Variants in ADGRD1 observed in about 807,000 individuals in gnomAD.
The protein encoded by ADGRD1 is G-protein coupled receptor 133.
ADGRD1 carries 77 observed loss-of-function variants against 113.4 expected under a neutral mutation model. That is an observed-to-expected ratio of 0.68 (90% CI 0.57 to 0.82). The LOEUF (loss-of-function observed/expected upper bound fraction) is 0.82. Ranked by LOEUF, ADGRD1 falls within the 40% of genes least tolerant of loss-of-function variation. The pLI, the probability that ADGRD1 is intolerant of heterozygous loss-of-function variation, is 0.00. For synonymous variants in ADGRD1, 474 were observed against 475.0 expected (o/e 1.00, Z 0.03); for missense variants, 1,036 against 1,139.1 (o/e 0.91, Z 1.30).
At chr12:130,994,197 C>G in intron 8 of ADGRD1, 1 of 423,048 alleles carries the variant, frequency 2.4e-6, no homozygotes, top group Middle Eastern at 4.2e-4. Flanking sequence ...CGGGTATAGA[C>G]AAGCTGGAAG....
chr12:131,098,753 C>T (rs1332534524), intron 15 of ADGRD1, among the ~76,000 whole-genome samples: 2 of 152,240 alleles, frequency 1.3e-5, no homozygotes, highest in Non-Finnish European at 2.9e-5. Flanking sequence ...ACGACACTGG[C>T]AGCCTTAGGT....
rs899800320 is a variant in ADGRD1 at position 131,141,094 on chromosome 12, C to A, written c.*1831C>A. ...CACCTAGAAGTGAGAACACTGTATT[C>A]CTACAATGTACACTTGGATATTTCT... On this transcript the variant is annotated 3_prime_UTR_variant, in exon 25 of 25. Transcript: ENST00000261654. 1.3e-5 allele frequency: 2 copies of A among 152,238 alleles called. No homozygotes were observed. The highest frequency in any genetic ancestry group is 3.8e-4 in the East Asian group (2 of 5,202). 9.4% of individuals were successfully genotyped at this position (152,238 alleles called of 1,614,324 possible).
At chr12:131,002,708 C>T (rs1876544157) in intron 9 of ADGRD1, 2 of 1,222,532 alleles carry the variant, frequency 1.6e-6, no homozygotes, top group Non-Finnish European at 2.1e-6. Flanking sequence ...GTCAAGGCAG[C>T]CAGAGATAGC....
At position 131,011,444 on chromosome 12, in the gene ADGRD1, C is replaced by G. The variant is rs144220552; in HGVS notation, c.1332-2755C>G. On this transcript the variant is annotated intron_variant, in intron 12 of 24. Transcript: ENST00000261654. ...TTCCTAAGAAATGGATCTAAGTCAT[C>G]GCCGCTTGCCTGTGAGTAGATTCAT... is the stretch of plus-strand genomic sequence containing the variant. Among the ~76,000 whole-genome samples the G allele has an allele frequency of 5.4e-3, 821 of 152,112 alleles. 8 individuals are homozygous for G. The highest frequency in any genetic ancestry group is 0.028 in the Admixed American group (430 of 15,262).
intron 15 of ADGRD1, among the ~76,000 whole-genome samples, chr12:131,093,943 TCAG>T (rs71993333): frequency 0.64 from 91,813 of 144,538 alleles, 29,705 homozygotes; most frequent in East Asian, 0.79. Context: ...GCACCCAGCC[TCAG>T]CAGCACCCAG....
intron 13 of ADGRD1, among the ~76,000 whole-genome samples, chr12:131,065,075 G>A (rs1884609060): frequency 6.6e-6 from 1 of 152,134 alleles, no homozygotes; most frequent in Admixed American, 6.5e-5. Flanking sequence ...TCCACTCTCA[G>A]AAGTCCTTTT....
rs1349846083 is a variant in ADGRD1 at position 131,140,624 on chromosome 12, C to T, written c.*1361C>T. The T allele has an allele frequency of 6.6e-6, 1 of 152,386 alleles. No homozygotes were observed. Among genetic ancestry groups the T allele is most frequent in the East Asian group, 1.9e-4 (1 of 5,192 alleles). 9.4% of individuals were successfully genotyped at this position (152,386 alleles called of 1,614,324 possible). A position where few individuals can be genotyped will look rare whatever the true frequency, so the allele number is the denominator to read the frequency against. On this transcript the variant is annotated 3_prime_UTR_variant, in exon 25 of 25. Coordinates refer to ENST00000261654, the MANE Select transcript of ADGRD1 (RefSeq NM_198827.5). ...CTGTGACCATGATTTCATTCAGCCC[C>T]TCCACACCCCTATGTCTGCCTTGTT...
chr12:130,997,600 A>C (rs905868063), intron 8 of ADGRD1, among the ~76,000 whole-genome samples: 11 of 150,154 alleles, frequency 7.3e-5, no homozygotes, highest in African/African-American at 2.7e-4. Flanking sequence ...CACATCTCAG[A>C]CGATGGGCGG....
chr12:131,019,169 G>T (rs1055059416), intron 13 of ADGRD1, among the ~76,000 whole-genome samples: 1 of 152,232 alleles, frequency 6.6e-6, no homozygotes, highest in African/African-American at 2.4e-5. Flanking sequence ...GGCCTCTGGT[G>T]GACCGGCTCC....
intron 8 of ADGRD1, among the ~76,000 whole-genome samples, chr12:130,996,858 A>T (rs1168173592): frequency 1.9e-5 from 2 of 108,064 alleles, no homozygotes; most frequent in Middle Eastern, 8.6e-3. Context: ...TCCCTCCCGG[A>T]CGGGGTGGCT....
chr12:131,030,233 T>A (rs1280775701), intron 13 of ADGRD1, among the ~76,000 whole-genome samples: 3 of 148,108 alleles, frequency 2.0e-5, no homozygotes, highest in Non-Finnish European at 4.5e-5. Flanking sequence ...ATTCCCAGGC[T>A]CTGGGGTTAG....
intron 8 of ADGRD1, among the ~76,000 whole-genome samples, chr12:130,995,687 T>A (rs903769097): frequency 5.3e-5 from 8 of 152,210 alleles, no homozygotes; most frequent in Non-Finnish European, 1.2e-4. Flanking sequence ...CCTGGATTTT[T>A]AAAATGGAAC....
In ADGRD1 at chr12:131,016,890, C is replaced by T. The variant is rs1405691592; in HGVS notation, c.1473+2550C>T. 2.7e-4 allele frequency among the ~76,000 whole-genome samples: 3 copies of T among 11,318 alleles called. No individual in the cohort carries two copies. The Admixed American group carries it at 3.6e-3, about 13-fold the overall frequency. The allele number at this position is 11,318 out of a possible 152,430, so 7.4% of individuals were successfully genotyped here. On this transcript the variant is annotated intron_variant, in intron 13 of 24. Transcript: ENST00000261654. ...CCTGGGCGATAGAGTGAGACTCTGC[C>T]TCAAAAAAAAAAAAAGTCTGTAAAG...
intron 13 of ADGRD1, among the ~76,000 whole-genome samples, chr12:131,066,916 C>T (rs142130960): frequency 3.0e-4 from 45 of 152,284 alleles, no homozygotes; most frequent in South Asian, 4.1e-4. Flanking sequence ...TTAAGGGCCT[C>T]GGCTTTCCCC....
Position 131,104,801 on chromosome 12 carries a change from C to A in ADGRD1, c.1672-30C>A, listed in dbSNP as rs1297476782. 2.0e-6 allele frequency: 3 copies of A among 1,500,988 alleles called. No homozygotes were observed. The South Asian group carries it at 3.6e-5, about 18-fold the overall frequency. The allele number at this position is 1,500,988 out of a possible 1,614,324, so 93.0% of individuals were successfully genotyped here. On this transcript the variant is annotated intron_variant, in intron 15 of 24. Coordinates refer to ENST00000261654, the MANE Select transcript of ADGRD1 (RefSeq NM_198827.5). ...GGCTCCGATGGGGTGCCTGGGCCTGCTGCTGACGCCTCTGCTCTGCTCCCC... is the reference window on the plus strand; with the variant it reads ...GGCTCCGATGGGGTGCCTGGGCCTGATGCTGACGCCTCTGCTCTGCTCCCC...
chr12:131,070,920 G>T (rs1885113843), intron 13 of ADGRD1: 3 of 518,906 alleles, frequency 5.8e-6, no homozygotes, highest in African/African-American at 3.8e-5. Context: ...TGGTGGAGAA[G>T]AGTCCTGGGG....
chr12:131,009,156 A>G (rs375132984), intron 12 of ADGRD1, among the ~76,000 whole-genome samples: 1 of 152,174 alleles, frequency 6.6e-6, no homozygotes, highest in Non-Finnish European at 1.5e-5. Context: ...AACATTATCA[A>G]CGTGGGACAC....
At chr12:131,033,148 G>A (rs536139540) in intron 13 of ADGRD1, among the ~76,000 whole-genome samples, 7 of 152,200 alleles carry the variant, frequency 4.6e-5, no homozygotes, top group South Asian at 2.1e-4. Flanking sequence ...CCCACCCTCC[G>A]TGTGCAGACC....
Position 131,057,879 on chromosome 12 carries a change from C to A in ADGRD1, c.1474-18922C>A, listed in dbSNP as rs142293942. ...ACTGGTACCTCCCTAGTCAAGGACC[C>A]CATGTGCTTTCCTGCAGGACTGACC... On this transcript the variant is annotated intron_variant, in intron 13 of 24. Coordinates refer to ENST00000261654, the MANE Select transcript of ADGRD1 (RefSeq NM_198827.5). This position sits in a 1 kb window ranked among gnomAD's most constrained non-coding sequence, Gnocchi z 4.2. Among the ~76,000 whole-genome samples the A allele has an allele frequency of 3.2e-3, 488 of 152,280 alleles. 7 individuals are homozygous for A. Among genetic ancestry groups the A allele is most frequent in the African/African-American group, 0.01 (424 of 41,568 alleles).
Sources: allele counts gnomAD v4.1 joint callset (sites outside exome capture counted in the v4.1 genomes callset), GRCh38; gene constraint gnomAD v4.1.1; non-coding constraint Gnocchi (gnomAD v3.1); transcripts MANE v1.5; gene names NCBI Gene and HGNC (gene_info 2026-07-23, HGNC 2026-07-21).